POLI: variants seen among roughly 807,000 people sequenced by gnomAD.
POLI encodes DNA polymerase iota.
POLI carries 58 observed loss-of-function variants against 51.6 expected under a neutral mutation model. The ratio of observed to expected loss-of-function variants is 1.12; its 90% CI spans 0.91 to 1.40. POLI has a LOEUF of 1.40. POLI is among the 40% of genes most tolerant of loss of function. The probability of loss-of-function intolerance (pLI) is 0.00; values close to 1 mark genes in which losing one functional copy is unlikely to be tolerated. For missense variants in POLI, 921 were observed against 871.3 expected, an observed-to-expected ratio of 1.06 and a Z score of -0.72; for synonymous variants, 322 against 299.7, an observed-to-expected ratio of 1.07 and a Z score of -0.77.
At chr18:54,310,485 A>T (rs1489022373) in intron 3 of POLI, among the ~76,000 whole-genome samples, 6 of 147,518 alleles carry the variant, frequency 4.1e-5, no homozygotes, top group African/African-American at 2.5e-5. Context: ...ATTACCTACT[A>T]TTTTTTTTTT....
chr18:54,297,220 C>T lies in POLI; in HGVS notation c.*2753C>T. On this transcript the variant is annotated 3_prime_UTR_variant, in exon 10 of 10. Coordinates refer to ENST00000579534, the MANE Select transcript of POLI (RefSeq NM_007195.3). The stretch of plus-strand genomic sequence containing the variant: ...ATCTGCCTCCAGGGATAAACCCCAT[C>T]TTTCAAGCTTGCTTCTTGCTTGATG... 1 of 984,576 alleles carries T rather than the reference C, an allele frequency of 1.0e-6. No individual in the cohort carries two copies. Among genetic ancestry groups the T allele is most frequent in the Non-Finnish European group, 1.2e-6 (1 of 829,830 alleles). 61.0% of individuals were successfully genotyped at this position (984,576 alleles called of 1,614,324 possible).
chr18:54,282,710 G>C, intron 5 of POLI, 127 bp from the exon 6 acceptor site: 1 of 590,288 alleles, frequency 1.7e-6, no homozygotes, highest in Non-Finnish European at 2.9e-6. Context: ...ATCCCCTGTG[G>C]ATAAGGGGGG....
Position 54,296,292 on chromosome 18 carries a change from TAAA to T in POLI, c.*1828_*1830del, listed in dbSNP as rs1444581970. The T allele has an allele frequency of 1.0e-6, 1 of 985,200 alleles. No homozygotes were observed. The highest frequency in any genetic ancestry group is 1.7e-5 in the African/African-American group (1 of 57,228). 61.0% of individuals were successfully genotyped at this position (985,200 alleles called of 1,614,324 possible). ...GCTTAAAAAGAGAAAGCAAAATAGTTAAAAATACATTTCATAGATTGAGAATGT... is the reference window on the plus strand; with the variant it reads ...GCTTAAAAAGAGAAAGCAAAATAGTTAATACATTTCATAGATTGAGAATGT... On this transcript the variant is annotated 3_prime_UTR_variant, in exon 10 of 10. Coordinates refer to ENST00000579534, the MANE Select transcript of POLI (RefSeq NM_007195.3).
upstream of POLI, chr18:54,269,511 G>A (rs936621780): frequency 7.3e-6 from 11 of 1,502,290 alleles, no homozygotes; most frequent in Non-Finnish European, 9.7e-6. Flanking sequence ...CCAGGCGGAA[G>A]CGGCCGGAAG....
chr18:54,273,555 A>G (rs1377407667), intron 2 of POLI, among the ~76,000 whole-genome samples: 1 of 152,114 alleles, frequency 6.6e-6, no homozygotes, highest in East Asian at 1.9e-4. Context: ...AATGTAATAC[A>G]TAGATTGCCT....
Position 54,310,538 on chromosome 18 carries a change from A to G in POLI, c.334-9735A>G, listed in dbSNP as rs868610337. Among the ~76,000 whole-genome samples, 3 of 150,628 alleles carry G rather than the reference A, an allele frequency of 2.0e-5. No homozygotes were observed. The South Asian group carries it at 6.3e-4, about 31-fold the overall frequency. The stretch of plus-strand genomic sequence containing the variant: ...GCTCTGCATTTCAGCCTTGTTTTAT[A>G]AAATTGATTCATGTTAACAATTTTA... On this transcript the variant is annotated intron_variant, in intron 3 of 4. Transcript: ENST00000579823.
chr18:54,318,064 G>A (rs1486364526), intron 3 of POLI, among the ~76,000 whole-genome samples: 1 of 152,034 alleles, frequency 6.6e-6, no homozygotes, highest in Non-Finnish European at 1.5e-5. Flanking sequence ...TTGAATTCGT[G>A]CAATATAGTA....
chr18:54,280,701 A>G lies in POLI; in HGVS notation c.594A>G (p.Leu198=), dbSNP rs114546100. The part of the protein sequence containing the change: ...INLLDVLHIR[L]LVGSQIAAEM... ...TGCTTGACGTCTTGCACATCAGACT[A>G]CTTGTTGGATCTCAGATTGCAGCAG... is the stretch of plus-strand genomic sequence containing the variant. Residue 198 remains leucine (L), a synonymous_variant, in exon 5 of 10, where the codon CTA becomes CTG. Coordinates refer to ENST00000579534, the MANE Select transcript of POLI (RefSeq NM_007195.3). 4 of 1,613,556 alleles carry G rather than the reference A, an allele frequency of 2.5e-6. No individual in the cohort carries two copies. Among genetic ancestry groups the G allele is most frequent in the Middle Eastern group, 1.7e-4 (1 of 6,058 alleles).
intron 4 of POLI, 112 bp downstream of exon 4, chr18:54,277,967 A>G: frequency 1.3e-6 from 1 of 745,784 alleles, no homozygotes; most frequent in East Asian, 2.7e-5. Flanking sequence ...TTGGAGGTAT[A>G]GTTATATTTA....
intron 3 of POLI, among the ~76,000 whole-genome samples, chr18:54,303,962 C>G (rs142716649): frequency 0.18 from 27,349 of 150,868 alleles, 2,676 homozygotes; most frequent in Middle Eastern, 0.25. Context: ...TGCCCTGTGT[C>G]CAAGTGTTCT....
At chr18:54,301,750 C>T (rs2088494945), downstream of POLI, among the ~76,000 whole-genome samples, 1 of 152,188 alleles carries the variant, frequency 6.6e-6, no homozygotes, top group Non-Finnish European at 1.5e-5. Context: ...TCCTCCAGGG[C>T]TGCACCCTGG....
rs761569598 is a variant in POLI, at chr18:54,280,936, G to A, written c.796+33G>A. The A allele has an allele frequency of 5.5e-5, 61 of 1,101,060 alleles. No homozygotes were observed. In the South Asian group the frequency reaches 6.2e-4, roughly 11 times the overall value. 68.2% of individuals were successfully genotyped at this position (1,101,060 alleles called of 1,614,324 possible). On this transcript the variant is annotated intron_variant, in intron 5 of 9. Transcript: ENST00000579534. ...AAATATATTTGAAAAGTACATATAC[G>A]TCTTATTTTATTTCTTTTAATTTAA... is the stretch of plus-strand genomic sequence containing the variant.
chr18:54,285,581 C>G (rs2087709233), intron 7 of POLI, among the ~76,000 whole-genome samples: 1 of 149,596 alleles, frequency 6.7e-6, no homozygotes, highest in South Asian at 2.1e-4. Context: ...GTTTTGTTTT[C>G]TCTAGAGTAT....
In POLI at chr18:54,269,560, G is replaced by A; in HGVS notation, c.14G>A (p.Gly5Glu). The A allele has an allele frequency of 1.3e-6, 2 of 1,499,048 alleles. No homozygotes were observed. The highest frequency in any genetic ancestry group is 1.8e-6 in the Non-Finnish European group (2 of 1,131,172). 92.9% of individuals were successfully genotyped at this position (1,499,048 alleles called of 1,614,324 possible). A position where few individuals can be genotyped will look rare whatever the true frequency, so the allele number is the denominator to read the frequency against. MEKL[G>E]VEPEEEGGGD... Reference sequence around the variant, plus strand: ...GGCAGCGGCGGGATGGAGAAGCTGGGGGTGGAGCCGGAGGAGGAAGGCGGC... The same window carrying A: ...GGCAGCGGCGGGATGGAGAAGCTGGAGGTGGAGCCGGAGGAGGAAGGCGGC... The change falls in exon 1 of 10, where the codon GGG becomes GAG. Residue 5 changes from glycine to glutamate, a missense_variant. Physicochemically the swap from Gly to Glu is moderately conservative, Grantham distance 98. Transcript: ENST00000579534.
At chr18:54,286,141 G>C (rs1185622694) in intron 7 of POLI, among the ~76,000 whole-genome samples, 1 of 152,192 alleles carries the variant, frequency 6.6e-6, no homozygotes, top group Admixed American at 6.5e-5. Context: ...TGGGATTACA[G>C]GTACGAGGCA....
rs941459077 is a variant in POLI at position 54,295,413 on chromosome 18, A to G, written c.*946A>G. The G allele has an allele frequency of 5.1e-6, 5 of 976,278 alleles. No individual in the cohort carries two copies. The African/African-American group carries it at 5.3e-5, about 10-fold the overall frequency. 60.5% of individuals were successfully genotyped at this position (976,278 alleles called of 1,614,324 possible). On this transcript the variant is annotated 3_prime_UTR_variant, in exon 10 of 10. Transcript: ENST00000579534. ...TTGCCTGCTAAACTAAAAATTGGAT[A>G]TAAGATTGAGAATGTATTATATAAT...
At chr18:54,269,995 T>C (rs925209764) in intron 1 of POLI, 3 of 1,063,552 alleles carry the variant, frequency 2.8e-6, no homozygotes, top group Middle Eastern at 4.2e-4. Flanking sequence ...CTTTTAACTT[T>C]GGAGAAGTTG....
chr18:54,282,947 G>C lies in POLI; in HGVS notation c.907G>C (p.Ala303Pro), dbSNP rs763095336. The C allele has an allele frequency of 6.2e-7, 1 of 1,609,452 alleles. No individual in the cohort carries two copies. The highest frequency in any genetic ancestry group is 8.5e-7 in the Non-Finnish European group (1 of 1,177,728). The change falls in exon 6 of 10, where the codon GCT becomes CCT. Residue 303 changes from alanine (A) to proline (P), a missense_variant. Transcript: ENST00000579534. ...ILEKELGISV[A>P]QRIQKLSFGE... ...AGAAAAAGAATTAGGAATTTCAGTT[G>C]CTCAGCGTATCCAAAAGCTCAGTTT...
rs1375094011 is a variant in POLI, at chr18:54,280,980, TA to T, written c.796+79del. ...AATTTAAAAAATTATAGATACAATG[TA>T]ATTAATTCTTAGGTAGAGTTGTCTG... On this transcript the variant is annotated intron_variant, in intron 5 of 9. Coordinates refer to ENST00000579534, the MANE Select transcript of POLI (RefSeq NM_007195.3). 3 of 752,222 alleles carry T rather than the reference TA, an allele frequency of 4.0e-6. No individual in the cohort carries two copies. The African/African-American group carries it at 5.3e-5, about 13-fold the overall frequency. 46.6% of individuals were successfully genotyped at this position (752,222 alleles called of 1,614,324 possible).
Sources: allele counts gnomAD v4.1 joint callset (sites outside exome capture counted in the v4.1 genomes callset), GRCh38; gene constraint gnomAD v4.1.1; transcripts MANE v1.5; gene names NCBI Gene and HGNC (gene_info 2026-07-23, HGNC 2026-07-21).